TRIP11: variants seen among roughly 807,000 people sequenced by gnomAD.
TRIP11 encodes thyroid receptor-interacting protein 11.
A neutral mutation model predicts 223.1 loss-of-function variants in TRIP11; 148 were observed. The ratio of observed to expected loss-of-function variants is 0.66; its 90% CI spans 0.58 to 0.76. The LOEUF (loss-of-function observed/expected upper bound fraction) is 0.76, where lower values mean the gene tolerates loss of function less well. Ranked by LOEUF, TRIP11 falls within the 30% of genes least tolerant of loss-of-function variation. The probability of loss-of-function intolerance (pLI) is 0.00; values close to 1 mark genes in which losing one functional copy is unlikely to be tolerated. For synonymous variants in TRIP11, 762 were observed against 772.6 expected, an observed-to-expected ratio of 0.99 and a Z score of 0.23; for missense variants, 2,043 against 2,222.0, an observed-to-expected ratio of 0.92 and a Z score of 1.62.
intron 4 of TRIP11, 83 bp downstream of exon 4, chr14:92,021,473 T>C: frequency 1.4e-6 from 2 of 1,394,606 alleles, no homozygotes; most frequent in Non-Finnish European, 1.0e-6. Context: ...CTTTCTGATA[T>C]CAAAAGCTCT....
chr14:92,021,211 G>A (rs759959429), intron 4 of TRIP11, among the ~76,000 whole-genome samples: 9 of 150,682 alleles, frequency 6.0e-5, no homozygotes, highest in Non-Finnish European at 1.0e-4. Context: ...TGGCCAAAAT[G>A]GTGAAACCCC....
At chr14:92,032,460 A>G (rs977107319) in intron 2 of TRIP11, among the ~76,000 whole-genome samples, 53 of 150,974 alleles carry the variant, frequency 3.5e-4, no homozygotes, top group African/African-American at 1.1e-3. Flanking sequence ...TGCTATTCCT[A>G]TATTCTTAAC....
At chr14:92,011,902 C>A (rs1031775943) in intron 7 of TRIP11, 107 bp from the exon 8 acceptor site, 6 of 954,694 alleles carry the variant, frequency 6.3e-6, no homozygotes, top group Non-Finnish European at 9.8e-6. Flanking sequence ...ATAAGCACCA[C>A]TGGCAAGCAG....
In TRIP11 at chr14:91,999,232, A is replaced by G. The variant is rs886514791; in HGVS notation, c.4892+8T>C. The G allele has an allele frequency of 2.5e-6, 4 of 1,611,968 alleles. No homozygotes were observed. Among genetic ancestry groups the G allele is most frequent in the Non-Finnish European group, 3.4e-6 (4 of 1,179,750 alleles). ...GTTAAAGTTAATGCAAAAAAATGAA[A>G]AAATTACCTTGCATTTTCCATTGCA... On this transcript the variant is annotated splice_region_variant and intron_variant, in intron 13 of 20. Transcript: ENST00000267622.
rs1452648610 is a variant in TRIP11, at chr14:92,036,816, C to A, written c.139+2731G>T. Among the ~76,000 whole-genome samples the A allele has an allele frequency of 2.0e-5, 3 of 152,136 alleles. No individual in the cohort carries two copies. The East Asian group carries it at 5.8e-4, about 29-fold the overall frequency. On this transcript the variant is annotated intron_variant, in intron 1 of 20. Coordinates refer to ENST00000267622, the MANE Select transcript of TRIP11 (RefSeq NM_004239.4). ...GTGGTGCAATCGCAGCTCACTGGAG[C>A]CTTTAACTACTGGGCTCAAGCAAAC...
chr14:92,026,506 A>G (rs2057189114), intron 2 of TRIP11: 2 of 995,856 alleles, frequency 2.0e-6, no homozygotes, highest in Non-Finnish European at 3.2e-6. Flanking sequence ...TTATCGCCAG[A>G]GTCCCTGAAC....
chr14:91,999,847 G>C (rs556080156), intron 12 of TRIP11, 121 bp downstream of exon 12: 1 of 1,331,552 alleles, frequency 7.5e-7, no homozygotes, highest in African/African-American at 1.5e-5. Context: ...CTGCACAGCA[G>C]AGGAAGAATA....
chr14:91,975,417 T>C, intron 17 of TRIP11, 131 bp from the exon 18 acceptor site: 1 of 487,902 alleles, frequency 2.0e-6, no homozygotes, highest in African/African-American at 2.0e-5. Context: ...CAAAATATTT[T>C]AAAGTGTCTT....
intron 11 of TRIP11, among the ~76,000 whole-genome samples, chr14:92,001,983 C>T (rs1299866127): frequency 3.9e-5 from 6 of 152,186 alleles, no homozygotes; most frequent in Admixed American, 3.3e-4. Context: ...AAGAGGGAAC[C>T]TAACTGGCAA....
At chr14:92,032,693 T>G (rs1476486891) in intron 2 of TRIP11, among the ~76,000 whole-genome samples, 2 of 151,792 alleles carry the variant, frequency 1.3e-5, no homozygotes, top group African/African-American at 4.8e-5. Context: ...ATTAGCTGGG[T>G]GTGGTAGCGT....
At chr14:92,015,928 C>A in intron 5 of TRIP11, 67 bp from the exon 6 acceptor site, 1 of 1,424,124 alleles carries the variant, frequency 7.0e-7, no homozygotes, top group Admixed American at 2.1e-5. Flanking sequence ...ATATATTTAA[C>A]TGTTGTCCAA....
At chr14:91,988,182 A>G (rs529825584) in intron 16 of TRIP11, 102 bp downstream of exon 16, 5 of 832,196 alleles carry the variant, frequency 6.0e-6, no homozygotes, top group East Asian at 2.7e-5. Context: ...TCACACATCA[A>G]TGAAGTTGGT....
chr14:91,975,159 A>G lies in TRIP11; in HGVS notation c.5457+13T>C. 1 of 1,607,108 alleles carries G rather than the reference A, an allele frequency of 6.2e-7. No homozygotes were observed. Among genetic ancestry groups the G allele is most frequent in the Non-Finnish European group, 8.5e-7 (1 of 1,173,806 alleles). ...TTATGAATGTGTTCAGATGGCTTTC[A>G]TCGTCCAGTCACCTGCTCCATCTCC... is the stretch of plus-strand genomic sequence containing the variant. On this transcript the variant is annotated intron_variant, in intron 18 of 20. Transcript: ENST00000267622.
At chr14:92,015,052 C>G (rs2057018863) in intron 6 of TRIP11, among the ~76,000 whole-genome samples, 1 of 151,986 alleles carries the variant, frequency 6.6e-6, no homozygotes, top group African/African-American at 2.4e-5. Context: ...CACAGGCGAG[C>G]ACCACCACGT....
At chr14:91,974,976 G>T (rs1427013460) in intron 18 of TRIP11, among the ~76,000 whole-genome samples, 196 bp downstream of exon 18, 3 of 152,166 alleles carry the variant, frequency 2.0e-5, no homozygotes, top group Non-Finnish European at 4.4e-5. Context: ...TGAGTAGTTT[G>T]TAAGTTACAA....
At chr14:91,981,141 G>A (rs544818748) in intron 16 of TRIP11, among the ~76,000 whole-genome samples, 75 of 147,766 alleles carry the variant, frequency 5.1e-4, no homozygotes, top group African/African-American at 1.8e-3. Context: ...TCGGTCTCGC[G>A]AGTAGCTGGG....
At chr14:92,026,803 G>A in intron 2 of TRIP11, 2 of 1,311,610 alleles carry the variant, frequency 1.5e-6, no homozygotes, top group Admixed American at 1.8e-5. Flanking sequence ...AGGAAGCTGA[G>A]TCAGCTACCG....
Position 92,021,789 on chromosome 14 carries a change from C to G in TRIP11, c.355G>C (p.Asp119His), listed in dbSNP as rs778773503. 1.9e-6 allele frequency: 3 copies of G among 1,614,136 alleles called. No homozygotes were observed. Among genetic ancestry groups the G allele is most frequent in the Non-Finnish European group, 2.5e-6 (3 of 1,180,016 alleles). Residue 119 changes from aspartate (D) to histidine (H), a missense_variant, in exon 4 of 21, where the codon GAT becomes CAT. By Grantham distance (81) the Asp-to-His change is moderately conservative. Transcript: ENST00000267622. ...GCTGACTGCAGTTTCAGCAACTGAT[C>G]CTGGAGTGCAATCTGTCTGGCTTTA... ...HLKARQIALQDQLLKLQSAAQ... is the reference protein window; with the variant it reads ...HLKARQIALQHQLLKLQSAAQ...
intron 19 of TRIP11, among the ~76,000 whole-genome samples, chr14:91,973,886 G>A (rs926835224): frequency 4.6e-5 from 7 of 152,260 alleles, no homozygotes; most frequent in South Asian, 2.1e-4. Flanking sequence ...CTAGCTGGGC[G>A]TGGTGGTGGT....
Sources: allele counts gnomAD v4.1 joint callset (sites outside exome capture counted in the v4.1 genomes callset), GRCh38; gene constraint gnomAD v4.1.1; transcripts MANE v1.5; gene names NCBI Gene and HGNC (gene_info 2026-07-23, HGNC 2026-07-21).